Variants in ATP9B observed in about 807,000 individuals in gnomAD.
ATP9B encodes ATPase phospholipid transporting 9B, also known as probable phospholipid-transporting ATPase IIB.
A neutral mutation model predicts 146.1 loss-of-function variants in ATP9B; 110 were observed. The ratio of observed to expected loss-of-function variants is 0.75; its 90% CI spans 0.65 to 0.88. ATP9B has a LOEUF of 0.88. Among genes scored for constraint, ATP9B ranks in the 40% least tolerant of loss-of-function variants. The pLI is 0.00. For synonymous variants in ATP9B, 604 were observed against 569.7 expected (o/e 1.06, Z -0.86); for missense variants, 1,499 against 1,496.4 (o/e 1.00, Z -0.03).
chr18:79,373,568 C>T (rs1409809595), intron 27 of ATP9B, among the ~76,000 whole-genome samples: 1 of 150,502 alleles, frequency 6.6e-6, no homozygotes, highest in Non-Finnish European at 1.5e-5. Context: ...CAGTTCACTG[C>T]AACCTCCGTC....
At chr18:79,318,097 T>C (rs2096692091) in intron 15 of ATP9B, among the ~76,000 whole-genome samples, 1 of 152,162 alleles carries the variant, frequency 6.6e-6, no homozygotes, top group Admixed American at 6.5e-5. Context: ...AATAAATGAA[T>C]GGGAGAGAAA....
At chr18:79,197,232 AG>A (rs1169497773) in intron 9 of ATP9B, among the ~76,000 whole-genome samples, 2 of 152,206 alleles carry the variant, frequency 1.3e-5, no homozygotes, top group Non-Finnish European at 2.9e-5. Flanking sequence ...TTTGTATCAT[AG>A]GAGAAATATA....
In ATP9B at chr18:79,238,073, AT is replaced by A. The variant is rs1051111519; in HGVS notation, c.1108-15304del. Among the ~76,000 whole-genome samples the A allele has an allele frequency of 2.6e-5, 4 of 151,966 alleles. No homozygotes were observed. The East Asian group carries it at 7.7e-4, about 29-fold the overall frequency. On this transcript the variant is annotated intron_variant, in intron 11 of 29. Coordinates refer to ENST00000426216, the MANE Select transcript of ATP9B (RefSeq NM_198531.5). ...GCTGCTATTTAAAAATAAAAAAAAA[AT>A]TTTGGTGATGTATTTTTATTTTTAA...
At chr18:79,310,065 G>A (rs1341718631) in intron 15 of ATP9B, among the ~76,000 whole-genome samples, 1 of 152,226 alleles carries the variant, frequency 6.6e-6, no homozygotes, top group Non-Finnish European at 1.5e-5. Flanking sequence ...TGATCAGCAT[G>A]TGGGCCAGAC....
intron 9 of ATP9B, among the ~76,000 whole-genome samples, chr18:79,206,621 C>CAAA (rs2095535818): frequency 2.2e-5 from 2 of 90,054 alleles, no homozygotes; most frequent in South Asian, 4.6e-4. Context: ...ATAATAACAC[C>CAAA]TCATAAATAA....
intron 5 of ATP9B, among the ~76,000 whole-genome samples, chr18:79,127,806 C>T (rs1028000101): frequency 5.3e-5 from 8 of 152,250 alleles, no homozygotes; most frequent in African/African-American, 1.7e-4. Flanking sequence ...TAATTGGCCA[C>T]ACCATTTTAC....
rs989802013 is a variant in ATP9B at position 79,373,823 on chromosome 18, C to T, written c.3071-75C>T. Reference sequence around the variant, plus strand: ...TTTTTAAGGGTCTTGAGTGACGTTGCTGGTTCAAGGCTGTTTCCTCTAGCT... The same window carrying T: ...TTTTTAAGGGTCTTGAGTGACGTTGTTGGTTCAAGGCTGTTTCCTCTAGCT... On this transcript the variant is annotated intron_variant, in intron 27 of 29. Coordinates refer to ENST00000426216, the MANE Select transcript of ATP9B (RefSeq NM_198531.5). 11 of 1,502,598 alleles carry T rather than the reference C, an allele frequency of 7.3e-6. No homozygotes were observed. The African/African-American group carries it at 1.4e-4, about 19-fold the overall frequency. The allele number at this position is 1,502,598 out of a possible 1,614,324, so 93.1% of individuals were successfully genotyped here.
intron 13 of ATP9B, among the ~76,000 whole-genome samples, chr18:79,288,348 C>A (rs368114177): frequency 3.3e-5 from 5 of 152,236 alleles, no homozygotes; most frequent in Non-Finnish European, 5.9e-5. Context: ...TTCTTGTTGA[C>A]TTGATCCCTT....
intron 17 of ATP9B, among the ~76,000 whole-genome samples, chr18:79,335,672 C>G (rs540832416): frequency 6.6e-6 from 1 of 152,328 alleles, no homozygotes; most frequent in South Asian, 2.1e-4. Context: ...CACCGCGGCC[C>G]TGCACTCCTG....
At chr18:79,134,570 AG>A (rs2094425227) in intron 5 of ATP9B, among the ~76,000 whole-genome samples, 1 of 152,256 alleles carries the variant, frequency 6.6e-6, no homozygotes, top group African/African-American at 2.4e-5. Context: ...GTCTAAGGCC[AG>A]GGGGCTGCCC....
In ATP9B at chr18:79,348,210, A is replaced by G. The variant is rs1313286558; in HGVS notation, c.2903+14A>G. On this transcript the variant is annotated intron_variant, in intron 25 of 29. Coordinates refer to ENST00000426216, the MANE Select transcript of ATP9B (RefSeq NM_198531.5). ...CCTCATGGTGGGGTAAGTTACACTC[A>G]GAACCTGCCAGCTCATCCAGGGGAG... 1 of 1,570,482 alleles carries G rather than the reference A, an allele frequency of 6.4e-7. No homozygotes were observed. Among genetic ancestry groups the G allele is most frequent in the East Asian group, 2.3e-5 (1 of 44,010 alleles).
chr18:79,082,387 T>C (rs2073359149), intron 1 of ATP9B, among the ~76,000 whole-genome samples: 1 of 152,248 alleles, frequency 6.6e-6, no homozygotes, highest in African/African-American at 2.4e-5. Context: ...ATTACCCACC[T>C]TCTGAAGTCT....
intron 29 of ATP9B, chr18:79,376,214 C>CACACACACACACACACACACACACAA: frequency 1.7e-5 from 9 of 528,142 alleles, no homozygotes; most frequent in East Asian, 1.6e-4. Context: ...CACACACACA[C>CACACACACACACACACACACACACAA]AAAACAAAAC....
At chr18:79,153,367 CTT>C (rs1342332422) in intron 6 of ATP9B, among the ~76,000 whole-genome samples, 2 of 152,168 alleles carry the variant, frequency 1.3e-5, no homozygotes, top group African/African-American at 4.8e-5. Flanking sequence ...CATAAAATGT[CTT>C]TGAGTTTTTC....
At chr18:79,129,002 T>C (rs1376640352) in intron 5 of ATP9B, among the ~76,000 whole-genome samples, 2 of 152,330 alleles carry the variant, frequency 1.3e-5, no homozygotes, top group East Asian at 3.9e-4. Flanking sequence ...GTTCCCAGTT[T>C]GCAGCTTATT....
chr18:79,091,832 T>A (rs1015059588), intron 1 of ATP9B, among the ~76,000 whole-genome samples: 2 of 152,190 alleles, frequency 1.3e-5, no homozygotes, highest in African/African-American at 4.8e-5. Context: ...GTGGTGACAG[T>A]GGGCTGAGAG....
intron 2 of ATP9B, among the ~76,000 whole-genome samples, chr18:79,107,254 A>G (rs1599596295): frequency 1.3e-5 from 2 of 152,218 alleles, no homozygotes. Context: ...AATATTCTCC[A>G]TCTGGGATGT....
intron 15 of ATP9B, among the ~76,000 whole-genome samples, chr18:79,327,328 C>T (rs2096753124): frequency 1.3e-5 from 2 of 152,218 alleles, no homozygotes; most frequent in South Asian, 2.1e-4. Flanking sequence ...GGGGCTTCAG[C>T]ACTGTGGGTG....
chr18:79,209,126 C>T (rs1356619483), intron 10 of ATP9B, among the ~76,000 whole-genome samples: 1 of 152,178 alleles, frequency 6.6e-6, no homozygotes, highest in Non-Finnish European at 1.5e-5. Flanking sequence ...CTGCCAGTTA[C>T]CATAGAGCCA....
Sources: allele counts gnomAD v4.1 joint callset (sites outside exome capture counted in the v4.1 genomes callset), GRCh38; gene constraint gnomAD v4.1.1; transcripts MANE v1.5; gene names NCBI Gene and HGNC (gene_info 2026-07-23, HGNC 2026-07-21).